The following TEC variants were observed in gnomAD, a reference collection of about 807,000 sequenced individuals.
TEC encodes tec protein tyrosine kinase, also known as tyrosine-protein kinase Tec.
TEC carries 72 observed loss-of-function variants against 93.0 expected under a neutral mutation model. That is an observed-to-expected ratio of 0.77 (90% confidence interval 0.64 to 0.94). The LOEUF (loss-of-function observed/expected upper bound fraction) is 0.94. TEC is among the 40% of genes least tolerant of loss of function. The probability of loss-of-function intolerance (pLI) is 0.00; values close to 1 mark genes in which losing one functional copy is unlikely to be tolerated. For missense variants in TEC, 630 were observed against 757.9 expected (o/e 0.83, Z 1.98); for synonymous variants, 249 against 247.7 (o/e 1.01, Z -0.05).
At chr4:48,150,824 A>T in intron 10 of TEC, 39 bp downstream of exon 10, 1 of 1,422,578 alleles carries the variant, frequency 7.0e-7, no homozygotes, top group South Asian at 1.6e-5. Flanking sequence ...GTTCATACAA[A>T]AACTCTAAAT....
At chr4:48,186,580 G>T (rs1372372735) in intron 2 of TEC, among the ~76,000 whole-genome samples, 1 of 148,876 alleles carries the variant, frequency 6.7e-6, no homozygotes, top group African/African-American at 2.5e-5. Context: ...GTCTCCGCCC[G>T]GCCGCCCCGT....
At chr4:48,259,665 G>A (rs1451450243) in intron 1 of TEC, among the ~76,000 whole-genome samples, 2 of 149,610 alleles carry the variant, frequency 1.3e-5, no homozygotes, top group East Asian at 2.0e-4. Flanking sequence ...GCAGTGAGTC[G>A]AGATCATGCC....
rs1723271123 is a variant in TEC at position 48,221,815 on chromosome 4, CATCCTAAAGTCAA to C, written c.138+6649_138+6661del. ...TGGCTCCCCTGACAACCAGATCCCC[CATCCTAAAGTCAA>C]CCTATTACTTTCCAAAAGTCACCTC... On this transcript the variant is annotated intron_variant, in intron 2 of 17. Coordinates refer to ENST00000381501, the MANE Select transcript of TEC (RefSeq NM_003215.3). Among the ~76,000 whole-genome samples the C allele has an allele frequency of 3.9e-5, 6 of 152,300 alleles. No individual in the cohort carries two copies. In the South Asian group the frequency reaches 1.2e-3, roughly 32 times the overall value.
chr4:48,167,427 GA>G (rs1227468627), intron 7 of TEC, among the ~76,000 whole-genome samples: 1 of 151,874 alleles, frequency 6.6e-6, no homozygotes, highest in African/African-American at 2.4e-5. Flanking sequence ...GAGAGTCTAA[GA>G]AAAAAATTAC....
intron 2 of TEC, among the ~76,000 whole-genome samples, chr4:48,185,191 G>A (rs1164746664): frequency 6.6e-6 from 1 of 152,164 alleles, no homozygotes; most frequent in African/African-American, 2.4e-5. Flanking sequence ...CCAGTCAACT[G>A]TTTAACAGAA....
intron 1 of TEC, among the ~76,000 whole-genome samples, chr4:48,237,309 GA>G (rs1311422836): frequency 1.4e-5 from 2 of 141,416 alleles, no homozygotes; most frequent in East Asian, 4.1e-4. Context: ...GTTGGAGTAA[GA>G]CTCTGTCTCA....
At position 48,167,932 on chromosome 4, in the gene TEC, G is replaced by C; in HGVS notation, c.517C>G (p.Pro173Ala). The C allele has an allele frequency of 1.2e-6, 2 of 1,613,762 alleles. No homozygotes were observed. Among genetic ancestry groups the C allele is most frequent in the Non-Finnish European group, 1.7e-6 (2 of 1,179,846 alleles). ...TCACTATTATCTTCTTCTTCTAGTG[G>C]AATTGGTGGGGGAGGCCTTCGCTAG... ...TKKRRPPPPI[P>A]LEEEDNSEEI... is the part of the protein sequence containing the mutation. Residue 173 changes from proline (P) to alanine (A), a missense_variant, in exon 7 of 18, where the codon CCA becomes GCA. By Grantham distance (27) the Pro-to-Ala change is conservative. Transcript: ENST00000381501.
At chr4:48,137,548 C>A (rs2661529) in intron 17 of TEC, 49 bp from the exon 18 acceptor site, 1,197,610 of 1,539,140 alleles carry the variant, frequency 0.78, 467,005 homozygotes, top group East Asian at 0.91. Flanking sequence ...ATCCATTCCA[C>A]AAAACCTCTC....
intron 9 of TEC, among the ~76,000 whole-genome samples, chr4:48,154,354 T>G (rs186058508): frequency 5.1e-4 from 77 of 152,346 alleles, no homozygotes; most frequent in African/African-American, 1.8e-3. Flanking sequence ...AACTGCTGCT[T>G]CTGTGACCTT....
chr4:48,195,181 T>G (rs1722255598), intron 2 of TEC, among the ~76,000 whole-genome samples: 1 of 152,010 alleles, frequency 6.6e-6, no homozygotes, highest in Non-Finnish European at 1.5e-5. Context: ...GATAATGAGG[T>G]GGGAGGAAGT....
intron 2 of TEC, among the ~76,000 whole-genome samples, chr4:48,182,152 G>A (rs767052672): frequency 6.6e-6 from 1 of 151,956 alleles, no homozygotes; most frequent in Non-Finnish European, 1.5e-5. Context: ...AGGCTTGGTG[G>A]CAAATACCTG....
chr4:48,244,776 C>G (rs758646188), intron 1 of TEC, among the ~76,000 whole-genome samples: 1 of 152,194 alleles, frequency 6.6e-6, no homozygotes, highest in Non-Finnish European at 1.5e-5. Flanking sequence ...CCTCAAAGAG[C>G]CTTCCCCTGC....
intron 3 of TEC, among the ~76,000 whole-genome samples, chr4:48,175,718 A>G (rs1721296663): frequency 6.6e-6 from 1 of 152,154 alleles, no homozygotes; most frequent in African/African-American, 2.4e-5. Flanking sequence ...CAACAGAACC[A>G]TTGTCGGGAA....
chr4:48,256,737 C>A (rs1453047842), intron 1 of TEC, among the ~76,000 whole-genome samples: 2 of 151,982 alleles, frequency 1.3e-5, no homozygotes, highest in Non-Finnish European at 2.9e-5. Flanking sequence ...AATGACATCT[C>A]AGAATTTTGT....
chr4:48,228,723 C>T, intron 1 of TEC, 64 bp from the exon 2 acceptor site: 1 of 1,403,698 alleles, frequency 7.1e-7, no homozygotes, highest in South Asian at 1.4e-5. Context: ...TTGCCATTTC[C>T]AATTACCAAA....
chr4:48,137,527 T>G, intron 17 of TEC, 28 bp from the exon 18 acceptor site: 2 of 1,604,918 alleles, frequency 1.2e-6, no homozygotes, highest in Admixed American at 1.7e-5. Flanking sequence ...AGAGAAGCTG[T>G]GGGTTCCAGA....
chr4:48,254,514 T>C (rs1423857607), intron 1 of TEC, among the ~76,000 whole-genome samples: 1 of 152,022 alleles, frequency 6.6e-6, no homozygotes, highest in East Asian at 1.9e-4. Flanking sequence ...AGCAGAAGAA[T>C]GGAAGTTCAA....
At chr4:48,197,586 A>C (rs1177452778) in intron 2 of TEC, among the ~76,000 whole-genome samples, 15 of 152,186 alleles carry the variant, frequency 9.9e-5, no homozygotes, top group Admixed American at 9.8e-4. Context: ...TACCAGGAGG[A>C]CGAAAGACAT....
Position 48,170,246 on chromosome 4 carries a change from A to G in TEC, c.454+2T>C. 6.3e-7 allele frequency: 1 copy of G among 1,586,114 alleles called. No individual in the cohort carries two copies. The highest frequency in any genetic ancestry group is 8.6e-7 in the Non-Finnish European group (1 of 1,158,836). On this transcript the variant is annotated splice_donor_variant, in intron 5 of 17. Coordinates refer to ENST00000381501, the MANE Select transcript of TEC (RefSeq NM_003215.3). LOFTEE classifies it high-confidence loss of function. ...TAATTATGGAATAAAATGAATACTTACTGCTCTCAAAAAGATTGTATTTTT... is the reference window on the plus strand; with the variant it reads ...TAATTATGGAATAAAATGAATACTTGCTGCTCTCAAAAAGATTGTATTTTT...
Sources: allele counts gnomAD v4.1 joint callset (sites outside exome capture counted in the v4.1 genomes callset), GRCh38; gene constraint gnomAD v4.1.1; transcripts MANE v1.5; gene names NCBI Gene and HGNC (gene_info 2026-07-23, HGNC 2026-07-21).